FGGY: variants seen among roughly 807,000 people sequenced by gnomAD.
The protein encoded by FGGY is FGGY carbohydrate kinase domain containing, also known as FGGY carbohydrate kinase domain-containing protein.
In FGGY, 72 loss-of-function variants were observed where a neutral mutation model predicts 71.3. That is an observed-to-expected ratio of 1.01 (90% CI 0.84 to 1.23). The LOEUF (loss-of-function observed/expected upper bound fraction) is 1.23. Ranked by LOEUF, FGGY falls within the 50% of genes most tolerant of loss-of-function variation. FGGY has a pLI of 0.00. For missense variants in FGGY, 668 were observed against 682.3 expected, an observed-to-expected ratio of 0.98 and a Z score of 0.23; for synonymous variants, 251 against 250.3, an observed-to-expected ratio of 1.00 and a Z score of -0.02.
At chr1:59,704,055 C>T (rs1558852379) in intron 14 of FGGY, among the ~76,000 whole-genome samples, 1 of 152,238 alleles carries the variant, frequency 6.6e-6, no homozygotes, top group East Asian at 1.9e-4. Flanking sequence ...GGCTGTTGAA[C>T]TAGCCTATGC....
intron 2 of FGGY, among the ~76,000 whole-genome samples, chr1:59,330,315 A>G (rs1427034417): frequency 1.3e-5 from 2 of 152,154 alleles, no homozygotes; most frequent in East Asian, 3.9e-4. Context: ...GTCAAAAGAA[A>G]TTGAGAGCAC....
At chr1:59,663,460 G>C (rs1284528323) in intron 12 of FGGY, among the ~76,000 whole-genome samples, 1 of 152,182 alleles carries the variant, frequency 6.6e-6, no homozygotes, top group Non-Finnish European at 1.5e-5. Flanking sequence ...TAAGAGTACT[G>C]CAGCAGAAGT....
intron 14 of FGGY, among the ~76,000 whole-genome samples, chr1:59,711,371 A>G (rs955120146): frequency 6.6e-6 from 1 of 152,202 alleles, no homozygotes; most frequent in Non-Finnish European, 1.5e-5. Context: ...GCAAACCACC[A>G]TGACACATAT....
chr1:59,662,738 G>A (rs889755678), intron 12 of FGGY, among the ~76,000 whole-genome samples: 1 of 152,090 alleles, frequency 6.6e-6, no homozygotes, highest in Non-Finnish European at 1.5e-5. Flanking sequence ...TTGTAGCCCA[G>A]GTGCAATAGG....
intron 14 of FGGY, chr1:59,755,901 T>G (rs2098286078): frequency 6.6e-6 from 1 of 151,962 alleles, no homozygotes; most frequent in African/African-American, 2.4e-5. Flanking sequence ...GAAGGCAAGG[T>G]CCTCCCTAAA....
At chr1:59,316,099 G>T (rs2045409772) in intron 1 of FGGY, 1 of 152,202 alleles carries the variant, frequency 6.6e-6, no homozygotes, top group Non-Finnish European at 1.5e-5. Context: ...TAAGACTGAG[G>T]TGGGCAAGCT....
chr1:59,380,634 G>A (rs950654667), intron 5 of FGGY, among the ~76,000 whole-genome samples: 1 of 151,504 alleles, frequency 6.6e-6, no homozygotes, highest in African/African-American at 2.5e-5. Context: ...CCCCCTTTTT[G>A]ATGGGGTTGT....
chr1:59,754,235 G>A (rs1396695529), intron 14 of FGGY, among the ~76,000 whole-genome samples: 1 of 152,210 alleles, frequency 6.6e-6, no homozygotes, highest in Non-Finnish European at 1.5e-5. Flanking sequence ...AGCTAGCTCT[G>A]ATTCTCATAA....
At chr1:59,692,015 C>A (rs183272966) in intron 14 of FGGY, among the ~76,000 whole-genome samples, 150 of 152,190 alleles carry the variant, frequency 9.9e-4, no homozygotes, top group Admixed American at 1.5e-3. Flanking sequence ...ACAAATACCC[C>A]CAAGGTACAA....
rs146193048 is a variant in FGGY at position 59,687,748 on chromosome 1, G to A, written c.1512+13615G>A. 2.9e-3 allele frequency among the ~76,000 whole-genome samples: 447 copies of A among 151,970 alleles called. 1 individual carries two copies. Among genetic ancestry groups the A allele is most frequent in the African/African-American group, 9.9e-3 (411 of 41,436 alleles). On this transcript the variant is annotated intron_variant, in intron 14 of 15. Coordinates refer to ENST00000303721, the MANE Select transcript of FGGY (RefSeq NM_018291.5). Reference sequence around the variant, plus strand: ...CTCCTAAAGTGCTGGGATTACAGGCGTGAGCCACCACGTCTGGCTGAAACT... The same window carrying A: ...CTCCTAAAGTGCTGGGATTACAGGCATGAGCCACCACGTCTGGCTGAAACT...
rs715857 is a variant in FGGY at position 59,375,954 on chromosome 1, C to T, written c.466-2795C>T. Among the ~76,000 whole-genome samples, 391 of 137,782 alleles carry T rather than the reference C, an allele frequency of 2.8e-3. 1 individual carries two copies. Among genetic ancestry groups the T allele is most frequent in the African/African-American group, 0.01 (376 of 36,950 alleles). 90.4% of individuals were successfully genotyped at this position (137,782 alleles called of 152,430 possible). On this transcript the variant is annotated intron_variant, in intron 4 of 15. Coordinates refer to ENST00000303721, the MANE Select transcript of FGGY (RefSeq NM_018291.5). ...TGGCTTGAAGCACTGGTTGTTGCTG[C>T]GGTGGTTTGGCGGTTCATATCTGGT...
chr1:59,692,717 G>A (rs774917207), intron 14 of FGGY, among the ~76,000 whole-genome samples: 14 of 152,110 alleles, frequency 9.2e-5, no homozygotes, highest in Admixed American at 2.0e-4. Flanking sequence ...TGCATGGGCC[G>A]TCTTATCAGC....
intron 4 of FGGY, among the ~76,000 whole-genome samples, chr1:59,361,121 A>G (rs925811716): frequency 6.6e-6 from 1 of 152,206 alleles, no homozygotes; most frequent in African/African-American, 2.4e-5. Flanking sequence ...GGCTGTAAAA[A>G]TGGGTGTGTG....
At chr1:59,480,126 C>A (rs2093416688) in intron 6 of FGGY, among the ~76,000 whole-genome samples, 1 of 152,140 alleles carries the variant, frequency 6.6e-6, no homozygotes, top group Admixed American at 6.5e-5. Flanking sequence ...CTTTTTCAGT[C>A]CATCCTGAAC....
chr1:59,625,887 A>G, intron 9 of FGGY, 101 bp from the exon 10 acceptor site: 1 of 850,708 alleles, frequency 1.2e-6, no homozygotes, highest in Non-Finnish European at 1.7e-6. Flanking sequence ...CCGTATGGAC[A>G]AAGAGTTGAA....
chr1:59,305,198 C>T (rs2407580), intron 1 of FGGY, among the ~76,000 whole-genome samples: 1 of 152,090 alleles, frequency 6.6e-6, no homozygotes, highest in East Asian at 1.9e-4. Flanking sequence ...TTGGGCTTGT[C>T]ATATATAGTC....
rs111511578 is a variant in FGGY at position 59,405,917 on chromosome 1, CT to C, written c.554+27092del. On this transcript the variant is annotated intron_variant, in intron 5 of 15. Coordinates refer to ENST00000303721, the MANE Select transcript of FGGY (RefSeq NM_018291.5). ...TACTTCTTAGTGCTTTTTCCCCTAG[CT>C]TTTTTTTTTTTCTTTTTGAAATCTG... Among the ~76,000 whole-genome samples the C allele has an allele frequency of 2.5e-3, 369 of 144,718 alleles. 1 individual carries two copies. The highest frequency in any genetic ancestry group is 6.2e-3 in the Admixed American group (90 of 14,436). 94.9% of individuals were successfully genotyped at this position (144,718 alleles called of 152,430 possible). A position where few individuals can be genotyped will look rare whatever the true frequency, so the allele number is the denominator to read the frequency against.
chr1:59,696,037 T>C (rs2097655448), intron 14 of FGGY, among the ~76,000 whole-genome samples: 1 of 152,212 alleles, frequency 6.6e-6, no homozygotes, highest in African/African-American at 2.4e-5. Flanking sequence ...TCATGGAAGT[T>C]CTGTGTATGC....
chr1:59,732,563 C>T (rs1446860745), intron 14 of FGGY, among the ~76,000 whole-genome samples: 1 of 151,864 alleles, frequency 6.6e-6, no homozygotes, highest in Non-Finnish European at 1.5e-5. Flanking sequence ...TATGTTGTGG[C>T]AAACTGAGCA....
Sources: gnomAD v4.1 joint callset for allele counts (sites outside exome capture counted in the v4.1 genomes callset) on GRCh38, gnomAD v4.1.1 for gene constraint, MANE v1.5 for transcripts, NCBI Gene and HGNC (gene_info 2026-07-23, HGNC 2026-07-21) for gene names.